DMAC2L: variants seen among roughly 807,000 people sequenced by gnomAD.
DMAC2L encodes distal membrane arm assembly component 2 like.
In DMAC2L, 21 loss-of-function variants were observed where a neutral mutation model predicts 22.5. The observed-to-expected ratio is 0.93, with a 90% CI of 0.66 to 1.34. DMAC2L has a LOEUF of 1.34. Ranked by LOEUF, DMAC2L falls within the 40% of genes most tolerant of loss-of-function variation. The probability of loss-of-function intolerance (pLI) is 0.00; values close to 1 mark genes in which losing one functional copy is unlikely to be tolerated. For synonymous variants in DMAC2L, 86 were observed against 89.5 expected (o/e 0.96, Z 0.22); for missense variants, 239 against 246.5 (o/e 0.97, Z 0.20).
intron 4 of DMAC2L, chr14:50,323,036 A>G: frequency 1.6e-6 from 2 of 1,248,104 alleles, no homozygotes; most frequent in Non-Finnish European, 2.0e-6. Context: ...TAATGCAGGA[A>G]TAATTATATC....
chr14:50,319,092 G>A, intron 2 of DMAC2L: 9 of 1,461,376 alleles, frequency 6.2e-6, no homozygotes, highest in Non-Finnish European at 8.1e-6. Flanking sequence ...TGATGGTGAT[G>A]GGGGAGGGAG....
At chr14:50,315,327 A>G (rs1463876510) in intron 2 of DMAC2L, among the ~76,000 whole-genome samples, 3 of 151,968 alleles carry the variant, frequency 2.0e-5, no homozygotes, top group Non-Finnish European at 2.9e-5. Context: ...GAGTAAGAAC[A>G]TACGATGTTT....
intron 2 of DMAC2L, chr14:50,321,211 C>T (rs1226728743): frequency 5.5e-5 from 15 of 273,350 alleles, no homozygotes; most frequent in East Asian, 5.4e-4. Context: ...GATGGCAGTA[C>T]GACAGGCAGA....
At chr14:50,319,355 C>T in intron 2 of DMAC2L, 1 of 1,535,444 alleles carries the variant, frequency 6.5e-7, no homozygotes, top group Non-Finnish European at 8.7e-7. Flanking sequence ...GCCTCAGCAT[C>T]CTCAATCACT....
chr14:50,321,793 G>A (rs1351816264), intron 3 of DMAC2L, among the ~76,000 whole-genome samples, 199 bp downstream of exon 3: 1 of 152,146 alleles, frequency 6.6e-6, no homozygotes, highest in African/African-American at 2.4e-5. Flanking sequence ...GGCTGTTTGG[G>A]TTGCAGGATT....
intron 2 of DMAC2L, chr14:50,321,256 T>A (rs1394723030): frequency 1.6e-6 from 1 of 635,838 alleles, no homozygotes; most frequent in African/African-American, 1.9e-5. Context: ...AACTTAACGT[T>A]CTAGCCGGAA....
chr14:50,312,158 G>A (rs1042901667), upstream of DMAC2L: 16 of 1,609,124 alleles, frequency 9.9e-6, no homozygotes, highest in Middle Eastern at 1.6e-4. Context: ...CATCCCCTAC[G>A]CACGCTCCCC....
At chr14:50,312,678 G>A in intron 1 of DMAC2L, 1 of 228,008 alleles carries the variant, frequency 4.4e-6, no homozygotes, top group Non-Finnish European at 8.6e-6. Context: ...GGCCCCGCAC[G>A]CGGCCCGCGG....
Position 50,326,314 on chromosome 14 carries a change from G to C in DMAC2L, c.*591G>C, listed in dbSNP as rs575960805. On this transcript the variant is annotated 3_prime_UTR_variant, in exon 6 of 6. Coordinates refer to ENST00000557421, the MANE Select transcript of DMAC2L (RefSeq NM_001382507.1). ...ATATGTAAATCTATAGATATCTCTT[G>C]ATGTAGATATTTAGAATCCTTTAAA... The C allele has an allele frequency of 1.9e-6, 1 of 538,864 alleles. No individual in the cohort carries two copies. The highest frequency in any genetic ancestry group is 1.5e-4 in the East Asian group (1 of 6,718). 33.4% of individuals were successfully genotyped at this position (538,864 alleles called of 1,614,324 possible).
chr14:50,314,562 T>G (rs1407962006), intron 1 of DMAC2L, 29 bp from the exon 2 acceptor site: 4 of 455,870 alleles, frequency 8.8e-6, no homozygotes, highest in Non-Finnish European at 1.8e-5. Context: ...TGTACAGCCT[T>G]TTGTGTGAAC....
Position 50,323,970 on chromosome 14 carries a change from A to G in DMAC2L, c.342A>G (p.Ile114Met). ...HMEGLEHVEK[I>M]RLCKCHYIED... ...AGGGCCTAGAGCATGTTGAAAAAAT[A>G]AGGCTGTGCAAGTGTCATTATATCG... is the stretch of plus-strand genomic sequence containing the variant. The change falls in exon 5 of 6, where the codon ATA becomes ATG. Residue 114 changes from isoleucine (I) to methionine (M), a missense_variant. By Grantham distance (10) the Ile-to-Met change is conservative. Transcript: ENST00000557421. The G allele has an allele frequency of 1.2e-6, 2 of 1,611,804 alleles. No individual in the cohort carries two copies. The highest frequency in any genetic ancestry group is 1.7e-6 in the Non-Finnish European group (2 of 1,179,372).
At chr14:50,316,778 G>A (rs1247697297) in intron 2 of DMAC2L, among the ~76,000 whole-genome samples, 2 of 152,176 alleles carry the variant, frequency 1.3e-5, no homozygotes, top group Non-Finnish European at 2.9e-5. Flanking sequence ...CCAGTACCAT[G>A]CTGTTTTGGT....
intron 3 of DMAC2L, among the ~76,000 whole-genome samples, 150 bp from the exon 4 acceptor site, chr14:50,322,354 GTTTTTGT>G (rs1014220273): frequency 1.2e-4 from 12 of 99,138 alleles, no homozygotes; most frequent in Admixed American, 7.9e-4. Flanking sequence ...TTTTGTTTTT[GTTTTTGT>G]TTTTTTTGCA....
At chr14:50,314,206 T>G (rs2355897) in intron 1 of DMAC2L, among the ~76,000 whole-genome samples, 1 of 152,030 alleles carries the variant, frequency 6.6e-6, no homozygotes, top group Admixed American at 6.5e-5. Context: ...GATTGAATTA[T>G]GGAGGCAGGT....
intron 1 of DMAC2L, among the ~76,000 whole-genome samples, chr14:50,313,966 A>G (rs932434686): frequency 6.6e-5 from 10 of 152,354 alleles, no homozygotes; most frequent in African/African-American, 2.4e-4. Context: ...TAATTATTGT[A>G]ATTATACAGT....
chr14:50,323,262 T>G (rs1226128995), intron 4 of DMAC2L, among the ~76,000 whole-genome samples: 1 of 151,822 alleles, frequency 6.6e-6, no homozygotes, highest in Non-Finnish European at 1.5e-5. Context: ...ATTTTGTTTT[T>G]GTATTTTTAG....
chr14:50,312,999 C>T (rs1310309076), intron 1 of DMAC2L: 1 of 1,614,044 alleles, frequency 6.2e-7, no homozygotes, highest in African/African-American at 1.3e-5. Flanking sequence ...TTCTTGAGTA[C>T]TGAACCGAGA....
chr14:50,322,416 A>G lies in DMAC2L; in HGVS notation c.108-95A>G. The G allele has an allele frequency of 1.6e-6, 2 of 1,285,772 alleles. 1 individual carries two copies. The highest frequency in any genetic ancestry group is 3.6e-5 in the South Asian group (2 of 55,298). 79.6% of individuals were successfully genotyped at this position (1,285,772 alleles called of 1,614,324 possible). On this transcript the variant is annotated intron_variant, in intron 3 of 5. Transcript: ENST00000557421. ...TTCCTCGTCAGTCACTTGAAATGAA[A>G]ATTTGTTGCGTTCTGTATTATTTAT...
At chr14:50,312,779 C>G (rs1566549836) in intron 1 of DMAC2L, 1 of 525,614 alleles carries the variant, frequency 1.9e-6, no homozygotes, top group Admixed American at 3.6e-5. Flanking sequence ...CGGCCCTAAT[C>G]CTCGCTCCTC....
Sources: gnomAD v4.1 joint callset for allele counts (sites outside exome capture counted in the v4.1 genomes callset) on GRCh38, gnomAD v4.1.1 for gene constraint, MANE v1.5 for transcripts, NCBI Gene and HGNC (gene_info 2026-07-23, HGNC 2026-07-21) for gene names.